The following ABCA6 variants were observed in gnomAD, a reference collection of about 807,000 sequenced individuals.
The protein encoded by ABCA6 is ATP-binding cassette sub-family A member 6.
A neutral mutation model predicts 191.2 loss-of-function variants in ABCA6; 164 were observed. The observed-to-expected ratio is 0.86, with a 90% confidence interval of 0.76 to 0.98. The LOEUF (loss-of-function observed/expected upper bound fraction) is 0.98. Ranked by LOEUF, ABCA6 falls within the 50% of genes least tolerant of loss-of-function variation. The pLI, the probability that ABCA6 is intolerant of heterozygous loss-of-function variation, is 0.00. For synonymous variants in ABCA6, 636 were observed against 647.7 expected (o/e 0.98, Z 0.27); for missense variants, 1,958 against 1,894.1 (o/e 1.03, Z -0.63).
intron 10 of ABCA6, among the ~76,000 whole-genome samples, chr17:69,120,757 G>T (rs1417754831): frequency 6.6e-6 from 1 of 152,032 alleles, no homozygotes; most frequent in Non-Finnish European, 1.5e-5. Flanking sequence ...ATTTACATTT[G>T]AGGCAGACAT....
intron 11 of ABCA6, 98 bp from the exon 12 acceptor site, chr17:69,115,584 G>C (rs1568022932): frequency 1.4e-6 from 1 of 738,494 alleles, no homozygotes; most frequent in African/African-American, 1.8e-5. Flanking sequence ...ATTTAGTTTA[G>C]TGGCATATTT....
chr17:69,107,493 A>T (rs1461390113), intron 18 of ABCA6, among the ~76,000 whole-genome samples: 1 of 152,160 alleles, frequency 6.6e-6, no homozygotes, highest in Non-Finnish European at 1.5e-5. Flanking sequence ...CCAAAAGGAA[A>T]CTTGGTAGAT....
chr17:69,124,830 AAT>A, intron 9 of ABCA6, 56 bp downstream of exon 9: 2 of 1,002,120 alleles, frequency 2.0e-6, no homozygotes, highest in Non-Finnish European at 2.8e-6. Flanking sequence ...AATCTTAAAA[AAT>A]ATATTCAATG....
chr17:69,139,482 CTTTTACACTG>C (rs2073996775), intron 2 of ABCA6, among the ~76,000 whole-genome samples: 1 of 152,094 alleles, frequency 6.6e-6, no homozygotes, highest in African/African-American at 2.4e-5. Flanking sequence ...AATAGGAACA[CTTTTACACTG>C]TTGGTGGGAA....
At chr17:69,082,654 C>T (rs2072668815) in intron 36 of ABCA6, among the ~76,000 whole-genome samples, 1 of 152,136 alleles carries the variant, frequency 6.6e-6, no homozygotes, top group South Asian at 2.1e-4. Flanking sequence ...GGGGATCAGC[C>T]TGGGATGGCC....
rs1178295977 is a variant in ABCA6 at position 69,095,627 on chromosome 17, G to T, written c.3408+613C>A. ...TTTCTTATAGATGATCTTTGGTTGGGTTCTTCTCATGGATTCAAGATTCCC... is the reference window on the plus strand; with the variant it reads ...TTTCTTATAGATGATCTTTGGTTGGTTTCTTCTCATGGATTCAAGATTCCC... On this transcript the variant is annotated intron_variant, in intron 25 of 38. Coordinates refer to ENST00000284425, the MANE Select transcript of ABCA6 (RefSeq NM_080284.3). The T allele has an allele frequency of 2.0e-5, 3 of 152,300 alleles. 1 individual carries two copies. Among genetic ancestry groups the T allele is most frequent in the Admixed American group, 1.3e-4 (2 of 15,304 alleles). The allele number at this position is 152,300 out of a possible 1,614,324, so 9.4% of individuals were successfully genotyped here.
chr17:69,106,273 A>G, intron 18 of ABCA6, 62 bp from the exon 19 acceptor site: 1 of 1,452,634 alleles, frequency 6.9e-7, no homozygotes, highest in Non-Finnish European at 9.2e-7. Flanking sequence ...TGGAGGCATC[A>G]CAGATTTTCC....
At chr17:69,137,096 T>C (rs1398041519) in intron 3 of ABCA6, among the ~76,000 whole-genome samples, 200 bp downstream of exon 3, 1 of 152,200 alleles carries the variant, frequency 6.6e-6, no homozygotes, top group Non-Finnish European at 1.5e-5. Context: ...CTCCCTAAAC[T>C]GGACTCCCAA....
At position 69,124,868 on chromosome 17, in the gene ABCA6, A is replaced by T; in HGVS notation, c.1267+20T>A. 1 of 1,487,704 alleles carries T rather than the reference A, an allele frequency of 6.7e-7. No homozygotes were observed. Among genetic ancestry groups the T allele is most frequent in the South Asian group, 1.3e-5 (1 of 75,598 alleles). The allele number at this position is 1,487,704 out of a possible 1,614,324, so 92.2% of individuals were successfully genotyped here. A position where few individuals can be genotyped will look rare whatever the true frequency, so the allele number is the denominator to read the frequency against. ...TAATTAATAACTGTAGAGGACAGAG[A>T]AAAACTCACTATTACTTACAGGGTA... is the stretch of plus-strand genomic sequence containing the variant. On this transcript the variant is annotated intron_variant, in intron 9 of 38. Coordinates refer to ENST00000284425, the MANE Select transcript of ABCA6 (RefSeq NM_080284.3).
At chr17:69,082,776 A>G (rs1186240825) in intron 36 of ABCA6, 97 bp downstream of exon 36, 3 of 1,525,350 alleles carry the variant, frequency 2.0e-6, no homozygotes, top group East Asian at 2.3e-5. Flanking sequence ...AACTTTTATT[A>G]TGAAGCCAAA....
rs1354389190 is a variant in ABCA6 at position 69,128,710 on chromosome 17, C to A, written c.1028G>T (p.Gly343Val). The part of the protein sequence containing the change: ...FLLTLFWGCL[G>V]FTVFYEQLPS... Reference sequence around the variant, plus strand: ...AAGTTGTTCATAAAATACAGTGAATCCCAGACATCCCCAAAAGAGGGTAAG... The same window carrying A: ...AAGTTGTTCATAAAATACAGTGAATACCAGACATCCCCAAAAGAGGGTAAG... The change falls in exon 8 of 39, where the codon GGA becomes GTA. Residue 343 changes from glycine (G) to valine (V), a missense_variant. Physicochemically the swap from Gly to Val is moderately radical, Grantham distance 109. Coordinates refer to ENST00000284425, the MANE Select transcript of ABCA6 (RefSeq NM_080284.3). The A allele has an allele frequency of 1.2e-6, 2 of 1,612,742 alleles. No homozygotes were observed. Among genetic ancestry groups the A allele is most frequent in the Non-Finnish European group, 1.7e-6 (2 of 1,179,274 alleles).
At position 69,082,925 on chromosome 17, in the gene ABCA6, A is replaced by C. The variant is rs1315451353; in HGVS notation, c.4564T>G (p.Leu1522Val). Reference sequence around the variant, plus strand: ...AGCTTCAGAATCTCAGTGTGGACCAAAGTCACTTGAGACGTTTCCTTCACT... The same window carrying C: ...AGCTTCAGAATCTCAGTGTGGACCACAGTCACTTGAGACGTTTCCTTCACT... ...LKVKETSQVT[L>V]VHTEILKLFP... is the part of the protein sequence containing the mutation. Residue 1522 changes from leucine to valine, a missense_variant, in exon 36 of 39, where the codon TTG becomes GTG. Leu to Val is a conservative substitution (Grantham distance 32). Transcript: ENST00000284425. The C allele has an allele frequency of 1.2e-6, 2 of 1,614,214 alleles. No individual in the cohort carries two copies. The highest frequency in any genetic ancestry group is 1.7e-6 in the Non-Finnish European group (2 of 1,180,026).
In ABCA6 at chr17:69,115,400, T is replaced by C. The variant is rs752121110; in HGVS notation, c.1582A>G (p.Asn528Asp). The change falls in exon 12 of 39, where the codon AAT (asparagine) becomes GAT (aspartate). Residue 528 changes from asparagine to aspartate, a missense_variant. Transcript: ENST00000284425. Reference protein sequence around the residue: ...AGKSSLLNILNGLSVPTEGSV... With the variant: ...AGKSSLLNILDGLSVPTEGSV... ...CCTTCTGTTGGAACAGACAATCCATTAAGAATATTTAGCAGTGAAGATTTG... is the reference window on the plus strand; with the variant it reads ...CCTTCTGTTGGAACAGACAATCCATCAAGAATATTTAGCAGTGAAGATTTG... 1.2e-6 allele frequency: 2 copies of C among 1,610,638 alleles called. No individual in the cohort carries two copies. Among genetic ancestry groups the C allele is most frequent in the Non-Finnish European group, 1.7e-6 (2 of 1,178,252 alleles).
Position 69,114,905 on chromosome 17 carries a change from C to G in ABCA6, c.1639G>C (p.Glu547Gln), listed in dbSNP as rs1465107545. The stretch of plus-strand genomic sequence containing the variant: ...CTGATTTCCTCCAAGTCTTGCATTT[C>G]AGAGAGATTTTTATTATAGATGGTA... ...SVTIYNKNLSEMQDLEEIRKI... is the reference protein window; with the variant it reads ...SVTIYNKNLSQMQDLEEIRKI... Residue 547 changes from glutamate (E) to glutamine (Q), a missense_variant, in exon 13 of 39, where the codon GAA becomes CAA. By Grantham distance (29) the Glu-to-Gln change is conservative. Transcript: ENST00000284425. 2 of 1,611,248 alleles carry G rather than the reference C, an allele frequency of 1.2e-6. No individual in the cohort carries two copies. Among genetic ancestry groups the G allele is most frequent in the Non-Finnish European group, 1.7e-6 (2 of 1,178,558 alleles).
At chr17:69,112,069 C>G in intron 16 of ABCA6, 114 bp downstream of exon 16, 1 of 738,140 alleles carries the variant, frequency 1.4e-6, no homozygotes, top group Non-Finnish European at 2.3e-6. Context: ...AAACACTGAT[C>G]AATCCAGTAT....
chr17:69,123,039 G>C (rs1186322482), intron 10 of ABCA6, among the ~76,000 whole-genome samples, 200 bp downstream of exon 10: 15 of 151,150 alleles, frequency 9.9e-5, no homozygotes, highest in Middle Eastern at 3.4e-3. Flanking sequence ...GGGAGGGATA[G>C]CATTAGGAGA....
intron 9 of ABCA6, among the ~76,000 whole-genome samples, chr17:69,124,330 A>G (rs546011197): frequency 6.6e-6 from 1 of 152,060 alleles, no homozygotes; most frequent in African/African-American, 2.4e-5. Flanking sequence ...ATTGTGCCAG[A>G]AAAAAAGCTT....
intron 26 of ABCA6, among the ~76,000 whole-genome samples, chr17:69,090,485 C>T (rs550683941): frequency 2.0e-4 from 30 of 152,294 alleles, no homozygotes; most frequent in Middle Eastern, 6.8e-3. Context: ...TTAAATATAA[C>T]GTCCCCAGAA....
intron 36 of ABCA6, among the ~76,000 whole-genome samples, chr17:69,082,328 AACACAC>A (rs61523425): frequency 0.021 from 2,977 of 144,414 alleles, 41 homozygotes; most frequent in African/African-American, 0.041. Context: ...GACATACACA[AACACAC>A]ACACACACAC....
Sources: allele counts gnomAD v4.1 joint callset (sites outside exome capture counted in the v4.1 genomes callset), GRCh38; gene constraint gnomAD v4.1.1; transcripts MANE v1.5; gene names NCBI Gene and HGNC (gene_info 2026-07-23, HGNC 2026-07-21).